SAE1: variants seen among roughly 807,000 people sequenced by gnomAD.
SAE1 encodes the protein SUMO-activating enzyme subunit 1.
Under a neutral mutation model 40.6 loss-of-function variants are expected in SAE1, and 11 were observed. The ratio of observed to expected loss-of-function variants is 0.27; its 90% CI spans 0.17 to 0.45. SAE1 has a LOEUF of 0.45. Ranked by LOEUF, SAE1 falls within the 20% of genes least tolerant of loss-of-function variation. The pLI, the probability that SAE1 is intolerant of heterozygous loss-of-function variation, is 1.00. For missense variants in SAE1, 373 were observed against 427.3 expected (o/e 0.87, Z 1.12); for synonymous variants, 155 against 154.3 (o/e 1.00, Z -0.03).
intron 8 of SAE1, among the ~76,000 whole-genome samples, chr19:47,208,207 T>C (rs2058695448): frequency 6.6e-6 from 1 of 152,208 alleles, no homozygotes; most frequent in South Asian, 2.1e-4. Flanking sequence ...GTTTGCCCAA[T>C]GGTGGTGCAA....
At chr19:47,160,797 G>A (rs1192662379) in intron 5 of SAE1, among the ~76,000 whole-genome samples, 1 of 152,098 alleles carries the variant, frequency 6.6e-6, no homozygotes, top group Non-Finnish European at 1.5e-5. Context: ...CCAAAGTGCT[G>A]GGATTACAGG....
intron 6 of SAE1, among the ~76,000 whole-genome samples, chr19:47,193,100 C>T (rs2123301783): frequency 6.6e-6 from 1 of 150,684 alleles, no homozygotes; most frequent in South Asian, 2.1e-4. Flanking sequence ...CTCTGTCGCC[C>T]AGGCTGGAGT....
chr19:47,159,911 C>T (rs985055393), intron 5 of SAE1, among the ~76,000 whole-genome samples: 1 of 152,148 alleles, frequency 6.6e-6, no homozygotes, highest in Admixed American at 6.5e-5. Flanking sequence ...CCAGGCTGGT[C>T]TCGAACTCCT....
At chr19:47,167,297 C>T (rs1306296463) in intron 5 of SAE1, among the ~76,000 whole-genome samples, 3 of 148,692 alleles carry the variant, frequency 2.0e-5, no homozygotes, top group Non-Finnish European at 3.0e-5. Flanking sequence ...TTGAGAGTCT[C>T]GCTCTGTCCC....
intron 5 of SAE1, among the ~76,000 whole-genome samples, chr19:47,163,778 C>T (rs1353162132): frequency 6.6e-6 from 1 of 152,066 alleles, no homozygotes; most frequent in Non-Finnish European, 1.5e-5. Context: ...AGAGTATATG[C>T]AAGTACTGTG....
chr19:47,138,088 G>A (rs1343530979), intron 1 of SAE1, among the ~76,000 whole-genome samples: 1 of 151,888 alleles, frequency 6.6e-6, no homozygotes. Flanking sequence ...TTGTTGCCCA[G>A]GCTGGAGTGC....
At chr19:47,161,314 A>T (rs1194980051) in intron 5 of SAE1, among the ~76,000 whole-genome samples, 2 of 151,384 alleles carry the variant, frequency 1.3e-5, no homozygotes, top group African/African-American at 4.9e-5. Context: ...CCCAGCCTAT[A>T]TTTTTTTTAT....
At chr19:47,198,902 C>G (rs553197679) in intron 7 of SAE1, among the ~76,000 whole-genome samples, 4 of 152,034 alleles carry the variant, frequency 2.6e-5, no homozygotes, top group African/African-American at 4.8e-5. Flanking sequence ...ACCTTGACAA[C>G]ATGGTGAAAC....
At chr19:47,146,685 C>T (rs557248012) in intron 2 of SAE1, among the ~76,000 whole-genome samples, 314 of 152,238 alleles carry the variant, frequency 2.1e-3, no homozygotes, top group Non-Finnish European at 3.6e-3. Flanking sequence ...AAGTACTGGC[C>T]CATCCAAGGC....
At position 47,172,429 on chromosome 19, in the gene SAE1, C is replaced by T. The variant is rs74567158; in HGVS notation, c.733+2506C>T. On this transcript the variant is annotated intron_variant, in intron 6 of 8. Transcript: ENST00000270225. Reference sequence around the variant, plus strand: ...TTTGGGAGAAGCTTGTTGCTCACTGCCTCGCACATAGAAAGCCCTCAGGAA... The same window carrying T: ...TTTGGGAGAAGCTTGTTGCTCACTGTCTCGCACATAGAAAGCCCTCAGGAA... Among the ~76,000 whole-genome samples, 564 of 152,204 alleles carry T rather than the reference C, an allele frequency of 3.7e-3. 5 individuals are homozygous for T. The highest frequency in any genetic ancestry group is 0.013 in the African/African-American group (537 of 41,544).
intron 7 of SAE1, among the ~76,000 whole-genome samples, chr19:47,202,551 G>T (rs2123322569): frequency 6.6e-6 from 1 of 151,834 alleles, no homozygotes; most frequent in South Asian, 2.1e-4. Flanking sequence ...CTCCCAAAGT[G>T]CTGGGATTAC....
intron 1 of SAE1, 162 bp downstream of exon 1, chr19:47,131,190 G>A: frequency 2.2e-6 from 3 of 1,387,158 alleles, no homozygotes; most frequent in Non-Finnish European, 2.8e-6. Context: ...GGAGTTGATT[G>A]GGGATGTTTC....
At chr19:47,200,137 G>A (rs2058643741) in intron 7 of SAE1, among the ~76,000 whole-genome samples, 1 of 151,644 alleles carries the variant, frequency 6.6e-6, no homozygotes, top group Non-Finnish European at 1.5e-5. Flanking sequence ...GTTTCGCTGT[G>A]TTAGCCAGGA....
intron 8 of SAE1, among the ~76,000 whole-genome samples, chr19:47,204,056 CT>C (rs1253615290): frequency 6.6e-6 from 1 of 152,022 alleles, no homozygotes; most frequent in Non-Finnish European, 1.5e-5. Flanking sequence ...TCTCATAGCT[CT>C]ATAAGTGAGT....
At chr19:47,176,987 A>T (rs1265428393) in intron 6 of SAE1, among the ~76,000 whole-genome samples, 1 of 152,336 alleles carries the variant, frequency 6.6e-6, no homozygotes, top group East Asian at 1.9e-4. Flanking sequence ...TGGAAACAGC[A>T]TTCACTTACC....
Position 47,182,125 on chromosome 19 carries a change from A to G in SAE1, c.733+12202A>G, listed in dbSNP as rs145854716. 4.8e-3 allele frequency among the ~76,000 whole-genome samples: 722 copies of G among 151,812 alleles called. 6 individuals carry two copies. The highest frequency in any genetic ancestry group is 8.1e-3 in the Non-Finnish European group (552 of 67,904). ...GAAAATTTTCTTTCCTCATTCTTCA[A>G]TTTCCCCTCATTCACACTCCCAACT... On this transcript the variant is annotated intron_variant, in intron 6 of 8. Transcript: ENST00000270225.
intron 6 of SAE1, among the ~76,000 whole-genome samples, chr19:47,196,042 G>C (rs908360974): frequency 1.4e-5 from 2 of 143,406 alleles, no homozygotes; most frequent in Admixed American, 1.4e-4. Context: ...CCTCTTCCGG[G>C]TCTTTTTTTT....
chr19:47,147,209 T>G (rs930812184), intron 2 of SAE1, among the ~76,000 whole-genome samples: 2 of 136,894 alleles, frequency 1.5e-5, no homozygotes, highest in Non-Finnish European at 3.2e-5. Context: ...GTTTTTTTTT[T>G]TTTTTTTTTT....
intron 5 of SAE1, among the ~76,000 whole-genome samples, chr19:47,164,003 A>T (rs2058374438): frequency 1.3e-5 from 2 of 151,888 alleles, no homozygotes; most frequent in Non-Finnish European, 2.9e-5. Flanking sequence ...TCCTGACCTC[A>T]GGTGATCCGC....
Sources: gnomAD v4.1 joint callset for allele counts (sites outside exome capture counted in the v4.1 genomes callset) on GRCh38, gnomAD v4.1.1 for gene constraint, MANE v1.5 for transcripts, NCBI Gene and HGNC (gene_info 2026-07-23, HGNC 2026-07-21) for gene names.